PGAP2: variants seen among roughly 807,000 people sequenced by gnomAD.
PGAP2 encodes the protein acyltransferase PGAP2.
A neutral mutation model predicts 33.2 loss-of-function variants in PGAP2; 21 were observed. That is an observed-to-expected ratio of 0.63 (90% confidence interval 0.45 to 0.91). The LOEUF (loss-of-function observed/expected upper bound fraction) is 0.91, where lower values mean the gene tolerates loss of function less well. Among genes scored for constraint, PGAP2 ranks in the 40% least tolerant of loss-of-function variants. The pLI, the probability that PGAP2 is intolerant of heterozygous loss-of-function variation, is 0.00. For missense variants in PGAP2, 345 were observed against 424.0 expected, an observed-to-expected ratio of 0.81 and a Z score of 1.64; for synonymous variants, 161 against 172.9, an observed-to-expected ratio of 0.93 and a Z score of 0.54.
rs777038505 is a variant in PGAP2, at chr11:3,817,342, G to T, written c.166-11G>T. On this transcript the variant is annotated splice_polypyrimidine_tract_variant and intron_variant, in intron 2 of 6. Coordinates refer to ENST00000278243, the MANE Select transcript of PGAP2 (RefSeq NM_014489.4). ...TACCAGGCCCCAAGTTGTATCCCTC[G>T]TGCTGCTTAGGCCACGCCCTGCAGG... 1.2e-6 allele frequency: 2 copies of T among 1,605,892 alleles called. No homozygotes were observed. Among genetic ancestry groups the T allele is most frequent in the Admixed American group, 1.7e-5 (1 of 59,370 alleles).
chr11:3,798,137 A>AG, intron 1 of PGAP2: 2 of 1,446,952 alleles, frequency 1.4e-6, no homozygotes, highest in Non-Finnish European at 1.8e-6. Flanking sequence ...AGGCTTCTTC[A>AG]GGGCCCTAAA....
chr11:3,799,240 A>T (rs1023041853), intron 1 of PGAP2, among the ~76,000 whole-genome samples: 5 of 152,210 alleles, frequency 3.3e-5, no homozygotes, highest in African/African-American at 1.2e-4. Context: ...CTGTGCGCAG[A>T]AAGCAAAGCG....
At chr11:3,820,417 G>A (rs991313248) in intron 3 of PGAP2, among the ~76,000 whole-genome samples, 3 of 152,154 alleles carry the variant, frequency 2.0e-5, no homozygotes, top group Non-Finnish European at 2.9e-5. Context: ...GTTGGCTCAC[G>A]CCTGTAATCC....
intron 3 of PGAP2, 109 bp downstream of exon 3, chr11:3,817,644 C>A: frequency 1.1e-6 from 1 of 903,682 alleles, no homozygotes; most frequent in Non-Finnish European, 1.8e-6. Flanking sequence ...GGGAAAGGGA[C>A]AAGGGGATGG....
At chr11:3,799,796 C>T (rs1178510540) in intron 1 of PGAP2, among the ~76,000 whole-genome samples, 1 of 152,084 alleles carries the variant, frequency 6.6e-6, no homozygotes, top group African/African-American at 2.4e-5. Flanking sequence ...TAGTGAGTCC[C>T]CACCTATACA....
chr11:3,824,773 T>C, intron 5 of PGAP2: 2 of 1,427,632 alleles, frequency 1.4e-6, no homozygotes, highest in East Asian at 5.0e-5. Context: ...TCCATGTAAC[T>C]TTCATACTCC....
chr11:3,815,362 G>A (rs1287910513), intron 2 of PGAP2, among the ~76,000 whole-genome samples: 1 of 151,188 alleles, frequency 6.6e-6, no homozygotes, highest in African/African-American at 2.4e-5. Context: ...AGGCTGGAGT[G>A]CAATGGCACG....
Position 3,811,468 on chromosome 11 carries a change from G to A in PGAP2, c.165+44G>A. On this transcript the variant is annotated intron_variant, in intron 2 of 6. Transcript: ENST00000278243. This position sits in a 1 kb window ranked among gnomAD's most constrained non-coding sequence, Gnocchi z 4.6. Reference sequence around the variant, plus strand: ...GATACCTCATATTCAGGCCGATCTGGATCTTCTTTAGATCTTGAATATCTT... The same window carrying A: ...GATACCTCATATTCAGGCCGATCTGAATCTTCTTTAGATCTTGAATATCTT... 1 of 1,553,400 alleles carries A rather than the reference G, an allele frequency of 6.4e-7. No homozygotes were observed. The highest frequency in any genetic ancestry group is 2.3e-5 in the East Asian group (1 of 43,618).
chr11:3,808,719 G>C, intron 1 of PGAP2, 68 bp downstream of exon 1: 1 of 859,370 alleles, frequency 1.2e-6, no homozygotes, highest in Non-Finnish European at 1.4e-6. Flanking sequence ...GCGCGGTCTG[G>C]CCTCTGCAGG....
At chr11:3,807,448 C>T (rs905694753), upstream of PGAP2, among the ~76,000 whole-genome samples, 3 of 149,732 alleles carry the variant, frequency 2.0e-5, no homozygotes, top group African/African-American at 7.4e-5. Context: ...GCTGGGATTA[C>T]GGGCGCCCGC....
At chr11:3,798,187 ACTTT>A (rs2082848524) in intron 1 of PGAP2, 29 of 1,316,396 alleles carry the variant, frequency 2.2e-5, no homozygotes, top group Non-Finnish European at 2.8e-5. Context: ...TCGCCCCAGC[ACTTT>A]CTTTCCCTCC....
At position 3,824,048 on chromosome 11, in the gene PGAP2, C is replaced by T. The variant is rs763765483; in HGVS notation, c.514C>T (p.Pro172Ser). Residue 172 changes from proline to serine, a missense_variant, in exon 4 of 7, where the codon CCG (proline) becomes TCG (serine). Around this residue, in one of 2 missense-constraint regions of PGAP2, gnomAD observed 311 missense variants for 353.6 expected, o/e 0.88. Transcript: ENST00000278243. ...SCTSPCSCYR[P>S]LCRLNFGLNV... ...CACCTCCCCGTGTTCCTGCTATCGC[C>T]CGCTCTGCCGCCTCAACTTCGGCCT... 2 of 1,614,220 alleles carry T rather than the reference C, an allele frequency of 1.2e-6. No individual in the cohort carries two copies. Among genetic ancestry groups the T allele is most frequent in the South Asian group, 2.2e-5 (2 of 91,082 alleles).
At chr11:3,807,448 C>G (rs905694753), upstream of PGAP2, among the ~76,000 whole-genome samples, 1 of 149,732 alleles carries the variant, frequency 6.7e-6, no homozygotes, top group Non-Finnish European at 1.5e-5. Flanking sequence ...GCTGGGATTA[C>G]GGGCGCCCGC....
At chr11:3,804,185 A>C (rs11029839), upstream of PGAP2, among the ~76,000 whole-genome samples, 1,132 of 152,174 alleles carry the variant, frequency 7.4e-3, 7 homozygotes, top group Non-Finnish European at 9.1e-3. Context: ...TGCATTCTTA[A>C]CTTACCAAAG....
chr11:3,811,171 CTG>C lies in PGAP2; in HGVS notation c.-10-78_-10-77del. On this transcript the variant is annotated intron_variant, in intron 1 of 6. Transcript: ENST00000278243. The surrounding 1 kb of genome is among the most constrained non-coding windows in gnomAD (Gnocchi z 4.6). ...CCACAGCACACAGCTAATTTTAGGA[CTG>C]AGCACAAGGGCTGACTTTATCACTG... is the stretch of plus-strand genomic sequence containing the variant. 3 of 1,373,836 alleles carry C rather than the reference CTG, an allele frequency of 2.2e-6. No individual in the cohort carries two copies. The East Asian group carries it at 7.0e-5, about 32-fold the overall frequency. 85.1% of individuals were successfully genotyped at this position (1,373,836 alleles called of 1,614,324 possible). A position where few individuals can be genotyped will look rare whatever the true frequency, so the allele number is the denominator to read the frequency against.
intron 1 of PGAP2, among the ~76,000 whole-genome samples, chr11:3,798,807 C>T (rs758690892): frequency 2.0e-5 from 3 of 150,450 alleles, no homozygotes; most frequent in African/African-American, 7.3e-5. Context: ...CCGCGCCCAG[C>T]TGATTTTGTA....
At position 3,823,645 on chromosome 11, in the gene PGAP2, G is replaced by A. The variant is rs190614742; in HGVS notation, c.349-238G>A. On this transcript the variant is annotated intron_variant, in intron 3 of 6. Transcript: ENST00000278243. ...CCAGTCTGCGGGGGAGATGGAGAAG[G>A]TGCCACCATGCTGCTGCACAAATCC... 25 of 1,540,672 alleles carry A rather than the reference G, an allele frequency of 1.6e-5. No homozygotes were observed. The African/African-American group carries it at 1.9e-4, about 12-fold the overall frequency.
intron 1 of PGAP2, among the ~76,000 whole-genome samples, chr11:3,810,124 TTCTC>T (rs1000632378): frequency 6.6e-6 from 1 of 152,180 alleles, no homozygotes; most frequent in African/African-American, 2.4e-5. Context: ...GAGCCAGCCC[TTCTC>T]TCTCTCTGAG....
intron 2 of PGAP2, among the ~76,000 whole-genome samples, chr11:3,814,741 TTCC>T (rs1276930145): frequency 3.9e-5 from 4 of 103,444 alleles, no homozygotes; most frequent in African/African-American, 8.3e-5. Flanking sequence ...CTTTCCTTCT[TTCC>T]TTCTTTTCTT....
Sources: allele counts gnomAD v4.1 joint callset (sites outside exome capture counted in the v4.1 genomes callset), GRCh38; gene constraint gnomAD v4.1.1; regional missense constraint gnomAD v4.1.1; non-coding constraint Gnocchi (gnomAD v3.1); transcripts MANE v1.5; gene names NCBI Gene and HGNC (gene_info 2026-07-23, HGNC 2026-07-21).